Variants in ADGB observed in about 807,000 individuals in gnomAD.
ADGB encodes calpain-7-like protein.
ADGB carries 172 observed loss-of-function variants against 210.5 expected under a neutral mutation model. The observed-to-expected ratio is 0.82, with a 90% confidence interval of 0.72 to 0.93. The LOEUF is 0.93. ADGB is among the 40% of genes least tolerant of loss of function. The pLI is 0.00. For synonymous variants in ADGB, 658 were observed against 662.7 expected, an observed-to-expected ratio of 0.99 and a Z score of 0.11; for missense variants, 2,025 against 1,964.8, an observed-to-expected ratio of 1.03 and a Z score of -0.58.
At chr6:146,729,886 G>C (rs1776954514) in intron 20 of ADGB, among the ~76,000 whole-genome samples, 1 of 152,120 alleles carries the variant, frequency 6.6e-6, no homozygotes, top group South Asian at 2.1e-4. Context: ...CAGTTCGTTT[G>C]TAATGCCCTG....
At chr6:146,764,475 A>G (rs1434391698) in intron 28 of ADGB, among the ~76,000 whole-genome samples, 2 of 152,176 alleles carry the variant, frequency 1.3e-5, no homozygotes, top group Non-Finnish European at 2.9e-5. Flanking sequence ...TGTGCTTACA[A>G]TTAAAGGGAA....
intron 23 of ADGB, among the ~76,000 whole-genome samples, chr6:146,740,216 T>C (rs1777144765): frequency 6.6e-6 from 1 of 152,146 alleles, no homozygotes; most frequent in Non-Finnish European, 1.5e-5. Flanking sequence ...CATGTTTCCT[T>C]TGAGAGCCTC....
chr6:146,722,040 TACTC>T (rs928361034), intron 17 of ADGB, among the ~76,000 whole-genome samples: 1 of 152,042 alleles, frequency 6.6e-6, no homozygotes, highest in African/African-American at 2.4e-5. Context: ...CTTTTTGGTG[TACTC>T]ACTCAATCTG....
At chr6:146,657,071 G>A in intron 5 of ADGB, 91 bp downstream of exon 5, 1 of 1,217,176 alleles carries the variant, frequency 8.2e-7, no homozygotes, top group South Asian at 1.5e-5. Context: ...TGTAATCGCA[G>A]CACTTTGGGA....
chr6:146,697,235 T>C (rs78608820), intron 12 of ADGB, among the ~76,000 whole-genome samples: 2,856 of 152,278 alleles, frequency 0.019, 77 homozygotes, highest in African/African-American at 0.057. Context: ...GACCATGAAC[T>C]TCACAAATAG....
At chr6:146,646,157 A>G (rs1418561675) in intron 3 of ADGB, among the ~76,000 whole-genome samples, 5 of 152,076 alleles carry the variant, frequency 3.3e-5, no homozygotes, top group Admixed American at 3.3e-4. Context: ...TCTGCCCAGT[A>G]ATTTGGGGTG....
intron 28 of ADGB, among the ~76,000 whole-genome samples, chr6:146,765,416 GA>G (rs564869223): frequency 1.1e-3 from 167 of 151,702 alleles, no homozygotes; most frequent in African/African-American, 3.7e-3. Flanking sequence ...AATAAACAGA[GA>G]ATATACTTTT....
intron 11 of ADGB, 139 bp downstream of exon 11, chr6:146,691,429 T>TATATATAA (rs1776309726): frequency 1.4e-4 from 4 of 29,408 alleles, no homozygotes; most frequent in Admixed American, 5.7e-4. Flanking sequence ...TATATATATA[T>TATATATAA]ATATATATAT....
At chr6:146,674,404 A>C (rs1373980084) in intron 8 of ADGB, among the ~76,000 whole-genome samples, 1 of 151,988 alleles carries the variant, frequency 6.6e-6, no homozygotes, top group Non-Finnish European at 1.5e-5. Context: ...AGATGACTGC[A>C]GTAGTATATG....
chr6:146,779,465 C>T (rs1248641886), intron 29 of ADGB, among the ~76,000 whole-genome samples: 2 of 152,154 alleles, frequency 1.3e-5, no homozygotes, highest in East Asian at 1.9e-4. Flanking sequence ...CTGGCACATT[C>T]AAGAAGTTAA....
rs1034374855 is a variant in ADGB, at chr6:146,745,909, G to A, written c.3178-13G>A. 16 of 1,528,390 alleles carry A rather than the reference G, an allele frequency of 1.0e-5. No homozygotes were observed. Among genetic ancestry groups the A allele is most frequent in the Non-Finnish European group, 5.3e-6 (6 of 1,133,232 alleles). 94.7% of individuals were successfully genotyped at this position (1,528,390 alleles called of 1,614,324 possible). The stretch of plus-strand genomic sequence containing the variant: ...GACATAATTCATTTCTGTGTAATTT[G>A]TCTTTCTTATAGAAGGGATACACTT... On this transcript the variant is annotated splice_polypyrimidine_tract_variant and intron_variant, in intron 25 of 35. Transcript: ENST00000397944.
intron 1 of ADGB, among the ~76,000 whole-genome samples, chr6:146,607,693 T>C (rs1277731330): frequency 3.3e-5 from 5 of 152,220 alleles, no homozygotes; most frequent in Non-Finnish European, 5.9e-5. Flanking sequence ...TGAATAATGT[T>C]TATTGATTTG....
chr6:146,627,822 T>C (rs552929609), intron 1 of ADGB, among the ~76,000 whole-genome samples: 19 of 152,284 alleles, frequency 1.2e-4, no homozygotes, highest in African/African-American at 4.3e-4. Flanking sequence ...TCCTTCTGTA[T>C]GCAAGAAATA....
At chr6:146,748,410 T>A (rs1460263543) in intron 26 of ADGB, among the ~76,000 whole-genome samples, 1 of 152,128 alleles carries the variant, frequency 6.6e-6, no homozygotes, top group Non-Finnish European at 1.5e-5. Context: ...AAGTGTGAGA[T>A]CAAAGTGTCA....
intron 3 of ADGB, among the ~76,000 whole-genome samples, chr6:146,648,878 G>A (rs954715354): frequency 9.2e-5 from 14 of 151,538 alleles, no homozygotes; most frequent in African/African-American, 3.4e-4. Context: ...AACCTAAGCA[G>A]CAAGAAATCC....
intron 35 of ADGB, among the ~76,000 whole-genome samples, chr6:146,804,071 C>T (rs932680578): frequency 3.3e-5 from 5 of 152,108 alleles, no homozygotes; most frequent in African/African-American, 1.2e-4. Context: ...TATTGTCATC[C>T]GTTCACCCCA....
At position 146,633,264 on chromosome 6, in the gene ADGB, C is replaced by A. The variant is rs149428542; in HGVS notation, c.75-2111C>A. On this transcript the variant is annotated intron_variant, in intron 1 of 35. Transcript: ENST00000397944. ...CTTCTCTTCAGTCACCAAGCCAGTC[C>A]AAACCCCCATTAGTTCTCTCCTCTT... is the stretch of plus-strand genomic sequence containing the variant. Among the ~76,000 whole-genome samples the A allele has an allele frequency of 2.4e-3, 366 of 152,236 alleles. 1 individual carries two copies. Among genetic ancestry groups the A allele is most frequent in the African/African-American group, 8.0e-3 (332 of 41,562 alleles).
intron 23 of ADGB, among the ~76,000 whole-genome samples, chr6:146,739,274 C>A (rs1298677343): frequency 1.3e-5 from 2 of 152,110 alleles, no homozygotes; most frequent in Non-Finnish European, 2.9e-5. Flanking sequence ...CATTGACAGA[C>A]CTGCACTTTA....
intron 13 of ADGB, among the ~76,000 whole-genome samples, chr6:146,711,471 G>A (rs9390416): frequency 0.22 from 33,100 of 151,542 alleles, 3,947 homozygotes; most frequent in African/African-American, 0.32. Flanking sequence ...CTCCTCTGAT[G>A]GACTTCCTAT....
Sources: allele counts gnomAD v4.1 joint callset (sites outside exome capture counted in the v4.1 genomes callset), GRCh38; gene constraint gnomAD v4.1.1; transcripts MANE v1.5; gene names NCBI Gene and HGNC (gene_info 2026-07-23, HGNC 2026-07-21).